ADAMTS7: variants seen among roughly 807,000 people sequenced by gnomAD.
The protein encoded by ADAMTS7 is A disintegrin and metalloproteinase with thrombospondin motifs 7.
In ADAMTS7, 89 loss-of-function variants were observed where a neutral mutation model predicts 172.6. The ratio of observed to expected loss-of-function variants is 0.52; its 90% CI spans 0.43 to 0.61. The LOEUF is 0.61. Among genes scored for constraint, ADAMTS7 ranks in the 20% least tolerant of loss-of-function variants. The probability of loss-of-function intolerance (pLI) is 0.00; values close to 1 mark genes in which losing one functional copy is unlikely to be tolerated. For missense variants in ADAMTS7, 1,973 were observed against 2,355.6 expected (o/e 0.84, Z 3.36); for synonymous variants, 885 against 978.4 (o/e 0.90, Z 1.78).
At chr15:78,791,374 A>G in intron 4 of ADAMTS7, 151 bp from the exon 5 acceptor site, 3 of 621,680 alleles carry the variant, frequency 4.8e-6, no homozygotes, top group South Asian at 3.8e-5. Flanking sequence ...TGCACAGTGG[A>G]CAGGCGATGC....
At chr15:78,780,054 G>A (rs1328673776) in intron 8 of ADAMTS7, among the ~76,000 whole-genome samples, 4 of 145,372 alleles carry the variant, frequency 2.8e-5, no homozygotes, top group African/African-American at 1.0e-4. Context: ...GGGCCTTCAC[G>A]TCCTCATCTA....
At chr15:78,802,729 G>T (rs2055741981) in intron 1 of ADAMTS7, among the ~76,000 whole-genome samples, 1 of 152,176 alleles carries the variant, frequency 6.6e-6, no homozygotes, top group Non-Finnish European at 1.5e-5. Flanking sequence ...GGGCACGGTG[G>T]CTCATGCCTG....
intron 4 of ADAMTS7, among the ~76,000 whole-genome samples, chr15:78,794,720 T>C (rs1741625499): frequency 6.6e-6 from 1 of 152,106 alleles, no homozygotes; most frequent in African/African-American, 2.4e-5. Context: ...TTTTTGTTTT[T>C]GTTTTTGTTT....
In ADAMTS7 at chr15:78,768,105, AGTTGGCGGGGGATGGGG is replaced by A; in HGVS notation, c.2645+11_2645+27del. 2.6e-6 allele frequency: 2 copies of A among 768,200 alleles called. No individual in the cohort carries two copies. The highest frequency in any genetic ancestry group is 3.4e-6 in the Non-Finnish European group (2 of 596,318). 47.6% of individuals were successfully genotyped at this position (768,200 alleles called of 1,614,324 possible). On this transcript the variant is annotated intron_variant, in intron 17 of 23. Transcript: ENST00000388820. The stretch of plus-strand genomic sequence containing the variant: ...GGAGTTGGCGGGGGATGGGGTGGGG[AGTTGGCGGGGGATGGGG>A]GCGGGCTCACCTGGCAGGGCAGGGC...
rs376058280 is a variant in ADAMTS7 at position 78,796,647 on chromosome 15, C to T, written c.762G>A (p.Met254Ile). 2 of 1,614,006 alleles carry T rather than the reference C, an allele frequency of 1.2e-6. No homozygotes were observed. The highest frequency in any genetic ancestry group is 8.5e-7 in the Non-Finnish European group (1 of 1,180,020). The change falls in exon 4 of 24, where the codon ATG becomes ATA. Residue 254 changes from methionine (M) to isoleucine (I), a missense_variant. By Grantham distance (10) the Met-to-Ile change is conservative. Transcript: ENST00000388820. ...VETLVVADAK[M>I]VEYHGQPQVE... ...CCTGCGGCTGTCCGTGGTACTCCACCATTTTGGCATCAGCTACTACCAGGG... is the reference window on the plus strand; with the variant it reads ...CCTGCGGCTGTCCGTGGTACTCCACTATTTTGGCATCAGCTACTACCAGGG...
At position 78,766,216 on chromosome 15, in the gene ADAMTS7, A is replaced by C. The variant is rs2055145194; in HGVS notation, c.3695T>G (p.Leu1232Arg). 1 of 1,611,816 alleles carries C rather than the reference A, an allele frequency of 6.2e-7. No individual in the cohort carries two copies. The highest frequency in any genetic ancestry group is 1.1e-5 in the South Asian group (1 of 91,028). The change falls in exon 19 of 24, where the codon CTG becomes CGG. Residue 1232 changes from leucine (L) to arginine (R), a missense_variant. Physicochemically the swap from Leu to Arg is moderately radical, Grantham distance 102 (BLOSUM62 -2). This residue lies in a region of ADAMTS7 where 771 missense variants were observed against 952.6 expected (regional missense o/e 0.81). Transcript: ENST00000388820. ...EEPKGRGAPH[L>R]PPRPSSTLPP... Reference sequence around the variant, plus strand: ...CAGCGTGGAGCTGGGTCTCGGGGGCAGGTGGGGTGCTCCTCGGCCCTTGGG... The same window carrying C: ...CAGCGTGGAGCTGGGTCTCGGGGGCCGGTGGGGTGCTCCTCGGCCCTTGGG...
At chr15:78,767,235 C>T in intron 18 of ADAMTS7, 144 bp downstream of exon 18, 1 of 1,216,722 alleles carries the variant, frequency 8.2e-7, no homozygotes, top group Non-Finnish European at 1.2e-6. Context: ...CTTCCTGATC[C>T]CTGAGGCTTT....
In ADAMTS7 at chr15:78,807,174, C is replaced by T. The variant is rs77835437; in HGVS notation, c.100+3947G>A. Among the ~76,000 whole-genome samples, 859 of 152,310 alleles carry T rather than the reference C, an allele frequency of 5.6e-3. 11 individuals carry two copies. Among genetic ancestry groups the T allele is most frequent in the African/African-American group, 0.02 (815 of 41,584 alleles). On this transcript the variant is annotated intron_variant, in intron 1 of 23. Transcript: ENST00000388820. ...AGGTCAGGGGGGCACTGATGCCAAC[C>T]AGCTCTAAAATTCTCAACTGGGGGA...
intron 19 of ADAMTS7, 90 bp downstream of exon 19, chr15:78,765,555 G>A (rs563572948): frequency 1.3e-5 from 20 of 1,573,594 alleles, no homozygotes; most frequent in South Asian, 2.3e-5. Context: ...GACAGACGGC[G>A]CCTGTGTCCC....
rs369464604 is a variant in ADAMTS7, at chr15:78,775,275, T to C, written c.1707-482A>G. Among the ~76,000 whole-genome samples the C allele has an allele frequency of 2.2e-3, 332 of 151,928 alleles. 1 individual carries two copies. The highest frequency in any genetic ancestry group is 6.6e-3 in the Admixed American group (101 of 15,292). ...CCAGCCCGGGTCTAAAGGAAGTGCC[T>C]AGGGCCCCAGCCAGCTGAAAGGTCT... On this transcript the variant is annotated intron_variant, in intron 11 of 23. Coordinates refer to ENST00000388820, the MANE Select transcript of ADAMTS7 (RefSeq NM_014272.5).
rs189745536 is a variant in ADAMTS7, at chr15:78,776,259, G to T, written c.1635C>A (p.Ser545Arg). Reference sequence around the variant, plus strand: ...AGCTCCGTGAGCAGATGGACCAGGCGCTCCAGCCAGACCAGCCACCATCCA... The same window carrying T: ...AGCTCCGTGAGCAGATGGACCAGGCTCTCCAGCCAGACCAGCCACCATCCA... ...EAVDGGWSGW[S>R]AWSICSRSCG... Residue 545 changes from serine to arginine, a missense_variant, in exon 11 of 24, where the codon AGC (serine) becomes AGA (arginine). Physicochemically the swap from Ser to Arg is moderately radical, Grantham distance 110 (BLOSUM62 -1). Around this residue, in one of 8 missense-constraint regions of ADAMTS7, gnomAD observed 526 missense variants for 662.9 expected, o/e 0.79. Coordinates refer to ENST00000388820, the MANE Select transcript of ADAMTS7 (RefSeq NM_014272.5). 1.2e-6 allele frequency: 2 copies of T among 1,611,606 alleles called. No homozygotes were observed. Among genetic ancestry groups the T allele is most frequent in the African/African-American group, 2.7e-5 (2 of 74,878 alleles).
intron 8 of ADAMTS7, among the ~76,000 whole-genome samples, chr15:78,783,747 T>C (rs1396372620): frequency 6.6e-6 from 1 of 152,066 alleles, no homozygotes; most frequent in East Asian, 1.9e-4. Context: ...GGTGCACAGG[T>C]TGAGCATCTC....
At chr15:78,762,080 C>A in intron 23 of ADAMTS7, 1 of 985,254 alleles carries the variant, frequency 1.0e-6, no homozygotes, top group Non-Finnish European at 1.2e-6. Flanking sequence ...TGTGGGAAGA[C>A]TGAGACCTAG....
chr15:78,791,269 A>T (rs781110757), intron 4 of ADAMTS7, 46 bp from the exon 5 acceptor site: 3 of 1,568,078 alleles, frequency 1.9e-6, no homozygotes, highest in Admixed American at 1.7e-5. Flanking sequence ...GATGAAGGAT[A>T]CAAGCAGCCA....
Position 78,765,159 on chromosome 15 carries a change from GCTTC to G in ADAMTS7, c.4267-456_4267-453del, listed in dbSNP as rs576870624. 23 of 212,924 alleles carry G rather than the reference GCTTC, an allele frequency of 1.1e-4. No individual in the cohort carries two copies. In the South Asian group the frequency reaches 2.4e-3, roughly 22 times the overall value. 13.2% of individuals were successfully genotyped at this position (212,924 alleles called of 1,614,324 possible). On this transcript the variant is annotated intron_variant, in intron 19 of 23. Coordinates refer to ENST00000388820, the MANE Select transcript of ADAMTS7 (RefSeq NM_014272.5). ...CCCAAAATTAGGGATCTGAACAGAA[GCTTC>G]CTTCTCCTGCAGTGACCATCTGGGG... is the stretch of plus-strand genomic sequence containing the variant.
Position 78,811,217 on chromosome 15 carries a change from G to T in ADAMTS7, c.4C>A (p.Pro2Thr). Residue 2 changes from proline (P) to threonine (T), a missense_variant, in exon 1 of 24, where the codon CCC (proline) becomes ACC (threonine). Physicochemically the swap from Pro to Thr is conservative, Grantham distance 38 (BLOSUM62 -1). This residue lies in a region of ADAMTS7 where 306 missense variants were observed against 288.0 expected (regional missense o/e 1.06). Coordinates refer to ENST00000388820, the MANE Select transcript of ADAMTS7 (RefSeq NM_014272.5). ...GGGCTGCGGGGACTGGGGCCGCCGG[G>T]CATGGCAGGAACCGGGCGGCCGCCG... M[P>T]GGPSPRSPAP... The T allele has an allele frequency of 8.1e-7, 1 of 1,228,078 alleles. No individual in the cohort carries two copies. Among genetic ancestry groups the T allele is most frequent in the Non-Finnish European group, 1.0e-6 (1 of 985,548 alleles). The allele number at this position is 1,228,078 out of a possible 1,614,324, so 76.1% of individuals were successfully genotyped here.
intron 1 of ADAMTS7, among the ~76,000 whole-genome samples, chr15:78,809,481 A>C (rs1202366874): frequency 6.6e-6 from 1 of 152,134 alleles, no homozygotes; most frequent in Admixed American, 6.5e-5. Flanking sequence ...GCCTGCCTCC[A>C]CCCTCAAACA....
intron 23 of ADAMTS7, among the ~76,000 whole-genome samples, chr15:78,761,292 G>A (rs1320011818): frequency 6.6e-6 from 1 of 152,232 alleles, no homozygotes; most frequent in Non-Finnish European, 1.5e-5. Flanking sequence ...GATTGCAGGG[G>A]GCCCTGAATG....
At chr15:78,769,941 C>A (rs1185616296) in intron 16 of ADAMTS7, among the ~76,000 whole-genome samples, 1 of 152,210 alleles carries the variant, frequency 6.6e-6, no homozygotes, top group Non-Finnish European at 1.5e-5. Flanking sequence ...GCGGGCAAAT[C>A]ACCTGAGGTC....
Sources: gnomAD v4.1 joint callset for allele counts (sites outside exome capture counted in the v4.1 genomes callset) on GRCh38, gnomAD v4.1.1 for gene constraint, gnomAD v4.1.1 regional missense constraint, MANE v1.5 for transcripts, NCBI Gene and HGNC (gene_info 2026-07-23, HGNC 2026-07-21) for gene names.